The following TMEM232 variants were observed in gnomAD, a reference collection of about 807,000 sequenced individuals.
TMEM232 encodes the protein transmembrane protein 232.
Under a neutral mutation model 78.8 loss-of-function variants are expected in TMEM232, and 80 were observed. That is an observed-to-expected ratio of 1.01 (90% CI 0.85 to 1.22). The LOEUF (loss-of-function observed/expected upper bound fraction) is 1.22, where lower values mean the gene tolerates loss of function less well. Ranked by LOEUF, TMEM232 falls within the 50% of genes most tolerant of loss-of-function variation. The pLI is 0.00. For missense variants in TMEM232, 881 were observed against 742.2 expected, an observed-to-expected ratio of 1.19 and a Z score of -2.17; for synonymous variants, 297 against 254.3, an observed-to-expected ratio of 1.17 and a Z score of -1.60.
chr5:110,733,857 T>C (rs1277998856), intron 2 of TMEM232, among the ~76,000 whole-genome samples: 1 of 152,188 alleles, frequency 6.6e-6, no homozygotes, highest in Non-Finnish European at 1.5e-5. Context: ...AAAAGTCAAA[T>C]GATATTAAAA....
intron 12 of TMEM232, among the ~76,000 whole-genome samples, chr5:110,432,895 T>C (rs889742800): frequency 1.3e-5 from 2 of 151,638 alleles, no homozygotes; most frequent in Non-Finnish European, 3.0e-5. Flanking sequence ...CAAAAAAGCA[T>C]GACATAATGA....
chr5:110,667,659 A>G (rs946728510), intron 1 of TMEM232: 2 of 174,838 alleles, frequency 1.1e-5, no homozygotes, highest in Non-Finnish European at 2.4e-5. Flanking sequence ...TAGGCCATAC[A>G]ACCAGACTAA....
chr5:110,398,160 T>C (rs1240206063), intron 2 of TMEM232, among the ~76,000 whole-genome samples: 1 of 152,166 alleles, frequency 6.6e-6, no homozygotes, highest in Non-Finnish European at 1.5e-5. Flanking sequence ...ATGACAGTTC[T>C]CACCTGTGTA....
intron 5 of TMEM232, among the ~76,000 whole-genome samples, chr5:110,628,277 A>G (rs917518483): frequency 4.6e-5 from 7 of 152,128 alleles, no homozygotes; most frequent in African/African-American, 1.2e-4. Flanking sequence ...TATATAAATG[A>G]GTGTATATTA....
At chr5:110,399,551 A>T (rs901584903) in intron 2 of TMEM232, among the ~76,000 whole-genome samples, 2 of 151,958 alleles carry the variant, frequency 1.3e-5, no homozygotes, top group African/African-American at 2.4e-5. Context: ...CTTCTTCTAA[A>T]ATCAGTCTAC....
At chr5:110,726,166 T>C (rs1798134850) in intron 1 of TMEM232, among the ~76,000 whole-genome samples, 1 of 18,912 alleles carries the variant, frequency 5.3e-5, no homozygotes, top group South Asian at 1.6e-3. Context: ...GAACCTTCTC[T>C]TTTGAAGTCC....
chr5:110,584,438 T>C (rs1424911377), intron 10 of TMEM232, among the ~76,000 whole-genome samples: 1 of 152,164 alleles, frequency 6.6e-6, no homozygotes, highest in Admixed American at 6.6e-5. Context: ...AAATGAGGTA[T>C]CTAAAATAGT....
chr5:110,504,244 G>A (rs1766605377), intron 12 of TMEM232, among the ~76,000 whole-genome samples: 1 of 152,044 alleles, frequency 6.6e-6, no homozygotes. Context: ...GTAGAGCTGT[G>A]GAACACCAAT....
chr5:110,470,558 G>A (rs1762558038), intron 12 of TMEM232, among the ~76,000 whole-genome samples: 1 of 152,080 alleles, frequency 6.6e-6, no homozygotes, highest in Admixed American at 6.6e-5. Context: ...AAAATAAGAG[G>A]ACGATATAAA....
At chr5:110,444,631 A>C (rs988657058) in intron 12 of TMEM232, among the ~76,000 whole-genome samples, 2 of 151,996 alleles carry the variant, frequency 1.3e-5, no homozygotes, top group Non-Finnish European at 2.9e-5. Flanking sequence ...ATCTTGCTCT[A>C]CCCCTTAAAT....
chr5:110,445,710 T>A (rs1001633981), intron 12 of TMEM232, among the ~76,000 whole-genome samples: 3 of 152,162 alleles, frequency 2.0e-5, no homozygotes, highest in Non-Finnish European at 2.9e-5. Context: ...AGTTCAACTA[T>A]GGGAAGAGTC....
Position 110,476,968 on chromosome 5 carries a change from C to G in TMEM232, c.1703+51620G>C, listed in dbSNP as rs373613994. ...ACATGAAATTCCCTTAGTATTAAGACAGCCAGCAAATGGGACAAAAACGGT... is the reference window on the plus strand; with the variant it reads ...ACATGAAATTCCCTTAGTATTAAGAGAGCCAGCAAATGGGACAAAAACGGT... On this transcript the variant is annotated intron_variant, in intron 12 of 13. Coordinates refer to ENST00000455884, the MANE Select transcript of TMEM232 (RefSeq NM_001039763.4). Among the ~76,000 whole-genome samples the G allele has an allele frequency of 6.6e-5, 10 of 152,046 alleles. 1 individual carries two copies. The East Asian group carries it at 7.7e-4, about 12-fold the overall frequency.
chr5:110,719,221 A>G (rs1797337332), intron 1 of TMEM232, among the ~76,000 whole-genome samples: 1 of 151,844 alleles, frequency 6.6e-6, no homozygotes, highest in Non-Finnish European at 1.5e-5. Context: ...ATATATGTAT[A>G]TATGTGTATA....
intron 1 of TMEM232, among the ~76,000 whole-genome samples, chr5:110,698,755 C>A (rs933169627): frequency 6.6e-6 from 1 of 152,004 alleles, no homozygotes; most frequent in African/African-American, 2.4e-5. Context: ...TCCCTTTGTT[C>A]TAAATTGCTA....
intron 2 of TMEM232, among the ~76,000 whole-genome samples, chr5:110,649,826 G>C (rs546163731): frequency 6.6e-6 from 1 of 152,102 alleles, no homozygotes; most frequent in East Asian, 1.9e-4. Context: ...AAAAATCAAT[G>C]TATGGCAATA....
At chr5:110,616,151 T>C (rs1267159843) in intron 8 of TMEM232, among the ~76,000 whole-genome samples, 1 of 151,892 alleles carries the variant, frequency 6.6e-6, no homozygotes, top group Non-Finnish European at 1.5e-5. Context: ...CTGGAAACAT[T>C]GCAAAACTGG....
chr5:110,596,312 A>C (rs1359250356), intron 10 of TMEM232, among the ~76,000 whole-genome samples: 1 of 152,216 alleles, frequency 6.6e-6, no homozygotes, highest in African/African-American at 2.4e-5. Flanking sequence ...AGACTAAACC[A>C]GGAAGAAGTT....
chr5:110,501,769 C>G (rs1192070927), intron 12 of TMEM232, among the ~76,000 whole-genome samples: 1 of 152,068 alleles, frequency 6.6e-6, no homozygotes, highest in Non-Finnish European at 1.5e-5. Flanking sequence ...ACATTTTAAA[C>G]AAATACCTCA....
chr5:110,422,961 T>C (rs1756833418), intron 13 of TMEM232, among the ~76,000 whole-genome samples: 1 of 152,190 alleles, frequency 6.6e-6, no homozygotes, highest in African/African-American at 2.4e-5. Flanking sequence ...ATTCAACTTA[T>C]TCACTCAGTG....
Sources: gnomAD v4.1 joint callset for allele counts (sites outside exome capture counted in the v4.1 genomes callset) on GRCh38, gnomAD v4.1.1 for gene constraint, MANE v1.5 for transcripts, NCBI Gene and HGNC (gene_info 2026-07-23, HGNC 2026-07-21) for gene names.